The following METTL15 variants were observed in gnomAD, a reference collection of about 807,000 sequenced individuals.
METTL15 encodes 12S rRNA N(4)-cytidine methyltransferase METTL15.
Under a neutral mutation model 38.3 loss-of-function variants are expected in METTL15, and 34 were observed. That is an observed-to-expected ratio of 0.89 (90% CI 0.68 to 1.18). The LOEUF is 1.18. Ranked by LOEUF, METTL15 falls within the 50% of genes most tolerant of loss-of-function variation. The pLI, the probability that METTL15 is intolerant of heterozygous loss-of-function variation, is 0.00. For synonymous variants in METTL15, 162 were observed against 170.9 expected (o/e 0.95, Z 0.41); for missense variants, 438 against 498.4 (o/e 0.88, Z 1.15).
intron 3 of METTL15, among the ~76,000 whole-genome samples, chr11:28,205,254 C>G (rs926935133): frequency 7.1e-6 from 1 of 141,556 alleles, no homozygotes; most frequent in Non-Finnish European, 1.5e-5. Flanking sequence ...TATCCCTCCC[C>G]CCTCCCCCTA....
intron 6 of METTL15, among the ~76,000 whole-genome samples, chr11:28,312,002 T>C (rs1036176361): frequency 2.0e-5 from 3 of 152,220 alleles, no homozygotes. Flanking sequence ...GTAAGAAAGC[T>C]GAGACAGAGG....
intron 3 of METTL15, among the ~76,000 whole-genome samples, chr11:28,177,637 G>A (rs1046013270): frequency 2.6e-5 from 4 of 151,892 alleles, no homozygotes; most frequent in Non-Finnish European, 4.4e-5. Flanking sequence ...ATGATGAAAC[G>A]AATTAGGAAA....
At chr11:28,415,897 G>C (rs533150320) in intron 5 of METTL15, among the ~76,000 whole-genome samples, 1 of 152,062 alleles carries the variant, frequency 6.6e-6, no homozygotes, top group Non-Finnish European at 1.5e-5. Context: ...TTTACAGGAG[G>C]GAGAAAGAAC....
intron 6 of METTL15, among the ~76,000 whole-genome samples, chr11:28,481,450 G>A (rs546026600): frequency 6.6e-6 from 1 of 152,170 alleles, no homozygotes; most frequent in East Asian, 1.9e-4. Context: ...TGTCAATGGG[G>A]CCATTTCCCA....
intron 3 of METTL15, among the ~76,000 whole-genome samples, chr11:28,170,490 G>T (rs1291505754): frequency 6.6e-6 from 1 of 152,086 alleles, no homozygotes; most frequent in East Asian, 1.9e-4. Flanking sequence ...TAAAAGAATG[G>T]CTACTCCATA....
At chr11:28,407,889 A>G (rs1850687767) in intron 5 of METTL15, among the ~76,000 whole-genome samples, 1 of 152,212 alleles carries the variant, frequency 6.6e-6, no homozygotes, top group Admixed American at 6.6e-5. Context: ...TACAATAGCA[A>G]AGACATGAAA....
intron 4 of METTL15, among the ~76,000 whole-genome samples, chr11:28,356,897 A>G (rs533608588): frequency 6.6e-6 from 1 of 152,282 alleles, no homozygotes; most frequent in South Asian, 2.1e-4. Flanking sequence ...CCTGGGAAGA[A>G]GAGGCATTAC....
intron 4 of METTL15, among the ~76,000 whole-genome samples, chr11:28,356,357 T>C (rs76959320): frequency 9.1e-4 from 139 of 152,322 alleles, no homozygotes; most frequent in African/African-American, 3.2e-3. Flanking sequence ...GTGCCTGGCA[T>C]GCAGTAGACA....
chr11:28,407,250 G>A (rs1042097677), intron 5 of METTL15, among the ~76,000 whole-genome samples: 29 of 152,114 alleles, frequency 1.9e-4, no homozygotes, highest in African/African-American at 6.8e-4. Flanking sequence ...GCAGGACATA[G>A]GCATGGGCAG....
At chr11:28,164,456 G>A (rs1850584399) in intron 3 of METTL15, among the ~76,000 whole-genome samples, 1 of 151,820 alleles carries the variant, frequency 6.6e-6, no homozygotes, top group Non-Finnish European at 1.5e-5. Flanking sequence ...ATAATTTATA[G>A]GTTTTTCCCC....
At chr11:28,251,114 G>A (rs974717755) in intron 4 of METTL15, among the ~76,000 whole-genome samples, 1 of 151,988 alleles carries the variant, frequency 6.6e-6, no homozygotes, top group African/African-American at 2.4e-5. Flanking sequence ...TCTCAGTAGA[G>A]CAGATCTCTG....
At chr11:28,393,691 A>G (rs1381342467) in intron 5 of METTL15, among the ~76,000 whole-genome samples, 1 of 152,138 alleles carries the variant, frequency 6.6e-6, no homozygotes, top group East Asian at 1.9e-4. Flanking sequence ...GGCAGAAGCC[A>G]TAATGCCTTT....
intron 3 of METTL15, among the ~76,000 whole-genome samples, chr11:28,341,576 G>A (rs1026048122): frequency 6.6e-6 from 1 of 152,074 alleles, no homozygotes; most frequent in African/African-American, 2.4e-5. Flanking sequence ...TTACTCTTCT[G>A]AAAAATGAGG....
chr11:28,325,567 A>G (rs1329424323), intron 6 of METTL15, among the ~76,000 whole-genome samples: 1 of 152,118 alleles, frequency 6.6e-6, no homozygotes, highest in Admixed American at 6.5e-5. Flanking sequence ...TCATTTATCT[A>G]TTCATTATCT....
chr11:28,235,155 A>G (rs1306021797), intron 4 of METTL15, among the ~76,000 whole-genome samples: 2 of 151,996 alleles, frequency 1.3e-5, no homozygotes, highest in African/African-American at 4.8e-5. Flanking sequence ...GTTCTGTTCC[A>G]TTGATCTATA....
At chr11:28,174,727 A>T (rs913308226) in intron 3 of METTL15, among the ~76,000 whole-genome samples, 1 of 150,958 alleles carries the variant, frequency 6.6e-6, no homozygotes, top group East Asian at 2.0e-4. Flanking sequence ...AGGCGGGAGA[A>T]TGGTATGAAG....
chr11:28,314,858 C>T (rs1038042515), intron 6 of METTL15, among the ~76,000 whole-genome samples: 7 of 152,162 alleles, frequency 4.6e-5, no homozygotes, highest in South Asian at 2.1e-4. Flanking sequence ...TTTTAAAAAA[C>T]GGGAGATGCC....
At chr11:28,426,584 G>GTTTTT (rs66959082) in intron 6 of METTL15, among the ~76,000 whole-genome samples, 10 of 82,326 alleles carry the variant, frequency 1.2e-4, no homozygotes, top group African/African-American at 4.2e-4. Context: ...GCCAGCATCT[G>GTTTTT]TTTTTTTTTT....
intron 6 of METTL15, among the ~76,000 whole-genome samples, chr11:28,514,329 G>C (rs1044155630): frequency 3.3e-5 from 5 of 152,290 alleles, no homozygotes; most frequent in Non-Finnish European, 5.9e-5. Flanking sequence ...CTCTTAGCTT[G>C]AATGATATGA....
Sources: allele counts gnomAD v4.1 joint callset (sites outside exome capture counted in the v4.1 genomes callset), GRCh38; gene constraint gnomAD v4.1.1; transcripts MANE v1.5; gene names NCBI Gene and HGNC (gene_info 2026-07-23, HGNC 2026-07-21).